IQGAP2: variants seen among roughly 807,000 people sequenced by gnomAD.
IQGAP2 encodes the protein ras GTPase-activating-like protein IQGAP2.
In IQGAP2, 173 loss-of-function variants were observed where a neutral mutation model predicts 201.3. The observed-to-expected ratio is 0.86, with a 90% CI of 0.76 to 0.98. IQGAP2 has a LOEUF of 0.98. Among genes scored for constraint, IQGAP2 ranks in the 50% least tolerant of loss-of-function variants. The pLI, the probability that IQGAP2 is intolerant of heterozygous loss-of-function variation, is 0.00. For missense variants in IQGAP2, 1,687 were observed against 1,864.8 expected (o/e 0.90, Z 1.76); for synonymous variants, 675 against 673.9 (o/e 1.00, Z -0.03).
At chr5:76,570,470 C>A in intron 3 of IQGAP2, 110 bp from the exon 4 acceptor site, 1 of 752,298 alleles carries the variant, frequency 1.3e-6, no homozygotes, top group South Asian at 1.6e-5. Flanking sequence ...TAACTCTGTT[C>A]CAGGAGAAAT....
At chr5:76,517,928 G>A (rs944989096) in intron 2 of IQGAP2, among the ~76,000 whole-genome samples, 2 of 151,974 alleles carry the variant, frequency 1.3e-5, no homozygotes, top group Non-Finnish European at 2.9e-5. Flanking sequence ...CCTGAGACTG[G>A]GCAATTTACG....
chr5:76,426,447 C>G (rs1489872178), intron 1 of IQGAP2, among the ~76,000 whole-genome samples: 1 of 152,174 alleles, frequency 6.6e-6, no homozygotes, highest in Admixed American at 6.5e-5. Context: ...GAAGGGAAAC[C>G]AAACAGTTGG....
rs373965932 is a variant in IQGAP2 at position 76,528,200 on chromosome 5, A to C, written c.147-34196A>C. Among the ~76,000 whole-genome samples the C allele has an allele frequency of 1.6e-4, 24 of 152,246 alleles. 1 individual carries two copies. In the South Asian group the frequency reaches 4.6e-3, roughly 29 times the overall value. On this transcript the variant is annotated intron_variant, in intron 2 of 35. Coordinates refer to ENST00000274364, the MANE Select transcript of IQGAP2 (RefSeq NM_006633.5). ...TTTTTCTCTTGGCCAAATTCTATCCATTCTTGGCCCACACTGCCTTCCTAG... is the reference window on the plus strand; with the variant it reads ...TTTTTCTCTTGGCCAAATTCTATCCCTTCTTGGCCCACACTGCCTTCCTAG...
intron 5 of IQGAP2, among the ~76,000 whole-genome samples, chr5:76,583,343 C>T (rs1314634581): frequency 6.6e-6 from 1 of 151,924 alleles, no homozygotes; most frequent in Non-Finnish European, 1.5e-5. Context: ...TTTGAGTAAT[C>T]AGCTGGGAAG....
intron 33 of IQGAP2, chr5:76,699,395 C>G (rs1747054619): frequency 6.6e-6 from 1 of 152,218 alleles, no homozygotes; most frequent in African/African-American, 2.4e-5. Flanking sequence ...GATTTCATAA[C>G]TTAGCTAACG....
At chr5:76,529,940 T>A (rs575815556) in intron 2 of IQGAP2, among the ~76,000 whole-genome samples, 1 of 152,268 alleles carries the variant, frequency 6.6e-6, no homozygotes, top group East Asian at 1.9e-4. Context: ...TCTGAGCAAC[T>A]GGTAATCACT....
intron 13 of IQGAP2, 93 bp downstream of exon 13, chr5:76,611,276 C>A: frequency 1.1e-6 from 1 of 872,024 alleles, no homozygotes; most frequent in Non-Finnish European, 1.7e-6. Context: ...CGTTAAATCT[C>A]ATGAGCTTCT....
At position 76,597,421 on chromosome 5, in the gene IQGAP2, A is replaced by G. The variant is rs750287125; in HGVS notation, c.908-18A>G. ...GAAAGAGCAACCATTCTGACAAAAC[A>G]TGAACCCCCATCCTCAGGGCAGGCT... On this transcript the variant is annotated intron_variant, in intron 9 of 35. Coordinates refer to ENST00000274364, the MANE Select transcript of IQGAP2 (RefSeq NM_006633.5). 3.1e-6 allele frequency: 5 copies of G among 1,612,846 alleles called. No homozygotes were observed. The Admixed American group carries it at 5.0e-5, about 16-fold the overall frequency.
chr5:76,533,220 A>T (rs991490150), intron 2 of IQGAP2, among the ~76,000 whole-genome samples: 24 of 151,966 alleles, frequency 1.6e-4, no homozygotes, highest in African/African-American at 5.8e-4. Context: ...CTTGTGTTAG[A>T]GCCAAAACTT....
intron 2 of IQGAP2, among the ~76,000 whole-genome samples, chr5:76,546,643 T>C (rs1421073698): frequency 2.0e-5 from 3 of 152,116 alleles, no homozygotes; most frequent in African/African-American, 4.8e-5. Flanking sequence ...AAGAGCAGCA[T>C]TGGTTTAATC....
chr5:76,698,266 C>T (rs922968798), intron 33 of IQGAP2, 119 bp downstream of exon 33: 11 of 633,556 alleles, frequency 1.7e-5, no homozygotes, highest in East Asian at 3.0e-5. Context: ...GTCTTCTAAC[C>T]GAAAACTAGA....
chr5:76,587,543 A>G (rs1261053714), intron 5 of IQGAP2, among the ~76,000 whole-genome samples: 1 of 152,196 alleles, frequency 6.6e-6, no homozygotes, highest in Non-Finnish European at 1.5e-5. Context: ...ATATATACCA[A>G]AATATTTAGT....
chr5:76,545,575 G>T (rs1042428757), intron 2 of IQGAP2, among the ~76,000 whole-genome samples: 12 of 150,280 alleles, frequency 8.0e-5, no homozygotes, highest in African/African-American at 3.0e-4. Context: ...TGTTTTGTGT[G>T]TAAGTATTTT....
In IQGAP2 at chr5:76,695,471, G is replaced by T. The variant is rs748724577; in HGVS notation, c.4011G>T (p.Thr1337=). Residue 1337 remains threonine (T), a synonymous_variant, in exon 32 of 36, where the codon ACG becomes ACT. Transcript: ENST00000274364. ...CTTTTCAGGAGGTAGACCATGCCAC[G>T]GACATGGTGAGCCGTGCAATGATAG... The part of the protein sequence containing the change: ...ATAQQEVDHA[T]DMVSRAMIDS... 1 of 1,613,614 alleles carries T rather than the reference G, an allele frequency of 6.2e-7. No individual in the cohort carries two copies. The highest frequency in any genetic ancestry group is 1.1e-5 in the South Asian group (1 of 91,054).
chr5:76,640,786 TC>T, intron 16 of IQGAP2, 146 bp from the exon 17 acceptor site: 1 of 547,402 alleles, frequency 1.8e-6, no homozygotes, highest in Admixed American at 3.0e-5. Context: ...GCCAGTTTCA[TC>T]CCTCAGCTCT....
At chr5:76,641,933 T>C (rs1035602372) in intron 17 of IQGAP2, among the ~76,000 whole-genome samples, 1 of 152,168 alleles carries the variant, frequency 6.6e-6, no homozygotes, top group African/African-American at 2.4e-5. Flanking sequence ...AGGCAGAAAA[T>C]GAATTTTACA....
chr5:76,678,959 TA>T (rs1423467804), intron 28 of IQGAP2, among the ~76,000 whole-genome samples: 5 of 152,236 alleles, frequency 3.3e-5, no homozygotes, highest in Non-Finnish European at 5.9e-5. Flanking sequence ...ATTAAATGAA[TA>T]GGCTATCCTT....
intron 2 of IQGAP2, among the ~76,000 whole-genome samples, chr5:76,526,626 G>A (rs1367239743): frequency 6.6e-6 from 1 of 152,088 alleles, no homozygotes; most frequent in Non-Finnish European, 1.5e-5. Flanking sequence ...CACCCCATTT[G>A]GGCATGAGCT....
chr5:76,460,906 A>G (rs1164894137), intron 1 of IQGAP2, among the ~76,000 whole-genome samples: 2 of 133,052 alleles, frequency 1.5e-5, no homozygotes, highest in African/African-American at 6.0e-5. Flanking sequence ...GTCTAACTCT[A>G]TCGCCCAGGG....
Sources: gnomAD v4.1 joint callset for allele counts (sites outside exome capture counted in the v4.1 genomes callset) on GRCh38, gnomAD v4.1.1 for gene constraint, MANE v1.5 for transcripts, NCBI Gene and HGNC (gene_info 2026-07-23, HGNC 2026-07-21) for gene names.